The following RAD51B variants were observed in gnomAD, a reference collection of about 807,000 sequenced individuals.
RAD51B encodes the protein RAD51 paralog B.
Under a neutral mutation model 42.2 loss-of-function variants are expected in RAD51B, and 38 were observed. The observed-to-expected ratio is 0.90, with a 90% confidence interval of 0.70 to 1.18. RAD51B has a LOEUF of 1.18. Ranked by LOEUF, RAD51B falls within the 50% of genes most tolerant of loss-of-function variation. The probability of loss-of-function intolerance (pLI) is 0.00; values close to 1 mark genes in which losing one functional copy is unlikely to be tolerated. For synonymous variants in RAD51B, 154 were observed against 145.2 expected, an observed-to-expected ratio of 1.06 and a Z score of -0.43; for missense variants, 373 against 400.7, an observed-to-expected ratio of 0.93 and a Z score of 0.59.
intron 7 of RAD51B, among the ~76,000 whole-genome samples, chr14:68,174,683 T>C (rs1156286225): frequency 6.6e-6 from 1 of 152,192 alleles, no homozygotes; most frequent in Non-Finnish European, 1.5e-5. Context: ...TAAAATTCTC[T>C]GCTTCTAATA....
intron 9 of RAD51B, among the ~76,000 whole-genome samples, chr14:68,446,101 A>T (rs2085414584): frequency 2.6e-5 from 4 of 152,364 alleles, no homozygotes; most frequent in Middle Eastern, 3.4e-3. Context: ...TAATAACATT[A>T]TCGGCTGCCA....
intron 7 of RAD51B, chr14:68,113,960 G>C (rs1326614645): frequency 6.6e-6 from 1 of 152,104 alleles, no homozygotes; most frequent in Non-Finnish European, 1.5e-5. Context: ...TGAATCTTCT[G>C]ATGAGTAGGC....
intron 7 of RAD51B, among the ~76,000 whole-genome samples, chr14:68,225,070 T>G (rs554386729): frequency 8.3e-4 from 127 of 152,292 alleles, no homozygotes; most frequent in African/African-American, 3.0e-3. Flanking sequence ...AGAAAAAAAT[T>G]TAGACATACA....
At chr14:68,650,771 G>C (rs1892683736) in intron 10 of RAD51B, 1 of 754,968 alleles carries the variant, frequency 1.3e-6, no homozygotes, top group Admixed American at 1.7e-5. Context: ...TTTACTTTTT[G>C]TTTACACAGA....
intron 8 of RAD51B, among the ~76,000 whole-genome samples, chr14:68,331,279 T>A (rs2139801533): frequency 6.7e-6 from 1 of 149,194 alleles, no homozygotes; most frequent in Non-Finnish European, 1.5e-5. Context: ...GGAGAATTGC[T>A]TGAACCAGGA....
At chr14:68,111,228 C>T (rs758907638) in intron 7 of RAD51B, among the ~76,000 whole-genome samples, 6 of 151,866 alleles carry the variant, frequency 4.0e-5, no homozygotes, top group Non-Finnish European at 8.8e-5. Context: ...CTTTTATTGT[C>T]GCCAGGAAAC....
At chr14:67,821,820 G>A (rs2040638413) in intron 1 of RAD51B, among the ~76,000 whole-genome samples, 1 of 151,796 alleles carries the variant, frequency 6.6e-6, no homozygotes, top group Non-Finnish European at 1.5e-5. Context: ...AGTCTAAATG[G>A]TGTCATTACT....
chr14:68,177,146 A>G (rs1415330641), intron 7 of RAD51B, among the ~76,000 whole-genome samples: 6 of 152,202 alleles, frequency 3.9e-5, no homozygotes, highest in Non-Finnish European at 7.3e-5. Flanking sequence ...CTGAGTGTAC[A>G]ATGCCACATT....
In RAD51B at chr14:68,272,633, C is replaced by CTTTATATATATATA. The variant is rs1381782279; in HGVS notation, c.757-19249_757-19236dup. ...TACCATGGTATTTTGTTTATAAACACTTTATATATATATATATATATATAT... is the reference window on the plus strand; with the variant it reads ...TACCATGGTATTTTGTTTATAAACACTTTATATATATATATTTATATATATATATATATATATAT... On this transcript the variant is annotated intron_variant, in intron 7 of 10. Coordinates refer to ENST00000471583, the MANE Select transcript of RAD51B (RefSeq NM_133510.4). Among the ~76,000 whole-genome samples the CTTTATATATATATA allele has an allele frequency of 8.3e-4, 25 of 30,180 alleles. 1 individual carries two copies. Among genetic ancestry groups the CTTTATATATATATA allele is most frequent in the Admixed American group, 2.6e-3 (6 of 2,318 alleles). The allele number at this position is 30,180 out of a possible 152,430, so 19.8% of individuals were successfully genotyped here. A position where few individuals can be genotyped will look rare whatever the true frequency, so the allele number is the denominator to read the frequency against.
intron 10 of RAD51B, among the ~76,000 whole-genome samples, chr14:68,640,523 A>G (rs1892438317): frequency 6.6e-6 from 1 of 152,170 alleles, no homozygotes; most frequent in African/African-American, 2.4e-5. Flanking sequence ...GGTGTTGGGG[A>G]CTCAAAGGAA....
chr14:68,182,713 G>A (rs1057179242), intron 7 of RAD51B, among the ~76,000 whole-genome samples: 15 of 152,172 alleles, frequency 9.9e-5, no homozygotes, highest in African/African-American at 2.4e-4. Context: ...TCTGAGATAC[G>A]TTTGCTAACC....
At chr14:68,272,667 T>TATATATATATA (rs58531356) in intron 7 of RAD51B, among the ~76,000 whole-genome samples, 7 of 4,792 alleles carry the variant, frequency 1.5e-3, no homozygotes, top group Admixed American at 5.1e-3. Context: ...ATATATATAT[T>TATATATATATA]TTTTTTTTTT....
At chr14:67,937,757 T>G (rs2045009741) in intron 7 of RAD51B, among the ~76,000 whole-genome samples, 1 of 152,144 alleles carries the variant, frequency 6.6e-6, no homozygotes, top group South Asian at 2.1e-4. Flanking sequence ...TTTGAAATCC[T>G]TCTTCAGCCC....
chr14:67,824,338 A>G (rs528360381), intron 2 of RAD51B, among the ~76,000 whole-genome samples: 1 of 151,940 alleles, frequency 6.6e-6, no homozygotes, highest in Non-Finnish European at 1.5e-5. Flanking sequence ...GCTCACTGCA[A>G]TCTCCTCCTC....
chr14:68,512,244 C>T (rs910173729), intron 10 of RAD51B, among the ~76,000 whole-genome samples: 1 of 151,680 alleles, frequency 6.6e-6, no homozygotes. Context: ...TGGAAGTGAA[C>T]ATCAGCAGAG....
chr14:68,370,646 C>CT (rs1433481425), intron 8 of RAD51B, among the ~76,000 whole-genome samples: 2 of 152,164 alleles, frequency 1.3e-5, no homozygotes, highest in Middle Eastern at 3.4e-3. Flanking sequence ...GTGGCTCAGA[C>CT]TGGGGGGTGT....
intron 7 of RAD51B, among the ~76,000 whole-genome samples, chr14:67,991,470 T>A (rs1331049698): frequency 1.3e-5 from 2 of 152,174 alleles, no homozygotes; most frequent in Non-Finnish European, 2.9e-5. Context: ...TTTGACATGG[T>A]CCATCATGAT....
intron 7 of RAD51B, among the ~76,000 whole-genome samples, chr14:67,971,430 GA>G (rs2074895661): frequency 6.6e-6 from 1 of 152,156 alleles, no homozygotes; most frequent in South Asian, 2.1e-4. Context: ...AAGTAACCAA[GA>G]AGAGAAATTA....
At chr14:68,304,000 T>C (rs1381766265) in intron 8 of RAD51B, among the ~76,000 whole-genome samples, 1 of 152,038 alleles carries the variant, frequency 6.6e-6, no homozygotes, top group Non-Finnish European at 1.5e-5. Context: ...CGAAACACCA[T>C]CTCTATGAAA....
Sources: gnomAD v4.1 joint callset for allele counts (sites outside exome capture counted in the v4.1 genomes callset) on GRCh38, gnomAD v4.1.1 for gene constraint, MANE v1.5 for transcripts, NCBI Gene and HGNC (gene_info 2026-07-23, HGNC 2026-07-21) for gene names.